GRIN2A: variants seen among roughly 807,000 people sequenced by gnomAD.
GRIN2A encodes glutamate receptor ionotropic, NMDA 2A.
In GRIN2A, 22 loss-of-function variants were observed where a neutral mutation model predicts 113.4. The observed-to-expected ratio is 0.19, with a 90% CI of 0.14 to 0.28. The LOEUF is 0.28. GRIN2A is among the 10% of genes least tolerant of loss of function. The pLI, the probability that GRIN2A is intolerant of heterozygous loss-of-function variation, is 1.00. For missense variants in GRIN2A, 1,502 were observed against 1,887.0 expected (o/e 0.80, Z 3.78); for synonymous variants, 827 against 738.4 (o/e 1.12, Z -1.94).
intron 2 of GRIN2A, among the ~76,000 whole-genome samples, chr16:10,027,010 C>G (rs1945824844): frequency 6.6e-6 from 1 of 152,166 alleles, no homozygotes; most frequent in Non-Finnish European, 1.5e-5. Context: ...TTCCTTTTGC[C>G]TTTCCCTAAT....
At chr16:9,932,052 A>C (rs2044605379) in intron 3 of GRIN2A, among the ~76,000 whole-genome samples, 1 of 152,218 alleles carries the variant, frequency 6.6e-6, no homozygotes, top group Admixed American at 6.5e-5. Context: ...GCATTGAGTC[A>C]CCCAGATCCT....
At position 9,762,529 on chromosome 16, in the gene GRIN2A, G is replaced by A. The variant is rs1452466667; in HGVS notation, c.*620C>T. The A allele has an allele frequency of 1.8e-5, 4 of 226,718 alleles. No homozygotes were observed. The highest frequency in any genetic ancestry group is 1.1e-4 in the Admixed American group (2 of 18,122). 14.0% of individuals were successfully genotyped at this position (226,718 alleles called of 1,614,324 possible). On this transcript the variant is annotated 3_prime_UTR_variant, in exon 13 of 13. Coordinates refer to ENST00000330684, the MANE Select transcript of GRIN2A (RefSeq NM_001134407.3). ...ATAATGAAGGTAGCACAGTCATCACGAACACACTGATTTGCTATTCTTTAG... is the reference window on the plus strand; with the variant it reads ...ATAATGAAGGTAGCACAGTCATCACAAACACACTGATTTGCTATTCTTTAG...
intron 3 of GRIN2A, among the ~76,000 whole-genome samples, chr16:9,904,516 T>G (rs561650187): frequency 6.6e-6 from 1 of 152,210 alleles, no homozygotes; most frequent in East Asian, 1.9e-4. Flanking sequence ...GGATTACAGG[T>G]GTGCACCACC....
chr16:10,020,950 C>T (rs1596427806), intron 2 of GRIN2A, among the ~76,000 whole-genome samples: 1 of 152,194 alleles, frequency 6.6e-6, no homozygotes, highest in African/African-American at 2.4e-5. Context: ...CCAGCCTGTG[C>T]ATGATGTCAC....
At chr16:9,916,075 G>C (rs2044243449) in intron 3 of GRIN2A, among the ~76,000 whole-genome samples, 1 of 152,008 alleles carries the variant, frequency 6.6e-6, no homozygotes, top group South Asian at 2.1e-4. Flanking sequence ...ATAAGAGTTA[G>C]GTCAATCTCT....
intron 2 of GRIN2A, among the ~76,000 whole-genome samples, chr16:10,175,329 G>A (rs1037958181): frequency 9.2e-5 from 14 of 152,196 alleles, no homozygotes; most frequent in East Asian, 1.9e-4. Context: ...AACAGATAGC[G>A]GCTGAGATTT....
chr16:10,159,311 C>A (rs970470305), intron 2 of GRIN2A, among the ~76,000 whole-genome samples: 2 of 152,098 alleles, frequency 1.3e-5, no homozygotes, highest in East Asian at 3.8e-4. Context: ...AGAGGACAGG[C>A]CTGGGCAGGT....
chr16:10,072,946 C>CCCCTTTTT lies in GRIN2A; in HGVS notation c.414+107051_414+107052insAAAAAGGG, dbSNP rs565877354. ...TGAGGAAACTCAGTGACAAGACCCC[C>CCCCTTTTT]TTTTTTTTTTTTTTTTTTTTTGAGA... On this transcript the variant is annotated intron_variant, in intron 2 of 12. Coordinates refer to ENST00000330684, the MANE Select transcript of GRIN2A (RefSeq NM_001134407.3). 2.3e-3 allele frequency among the ~76,000 whole-genome samples: 242 copies of CCCCTTTTT among 104,242 alleles called. 2 individuals are homozygous for CCCCTTTTT. The highest frequency in any genetic ancestry group is 3.0e-3 in the Non-Finnish European group (159 of 53,758). The allele number at this position is 104,242 out of a possible 152,430, so 68.4% of individuals were successfully genotyped here. A position where few individuals can be genotyped will look rare whatever the true frequency, so the allele number is the denominator to read the frequency against.
chr16:10,009,492 A>G (rs1225490428), intron 2 of GRIN2A, among the ~76,000 whole-genome samples: 4 of 152,114 alleles, frequency 2.6e-5, no homozygotes, highest in African/African-American at 7.2e-5. Flanking sequence ...GTGCCCTTTT[A>G]TTTGTGATTC....
At chr16:9,942,226 T>G (rs1295427311) in intron 2 of GRIN2A, among the ~76,000 whole-genome samples, 1 of 152,150 alleles carries the variant, frequency 6.6e-6, no homozygotes, top group Non-Finnish European at 1.5e-5. Flanking sequence ...ACTGCCCTGC[T>G]CTATAGTCAT....
chr16:10,111,678 C>G (rs2048617172), intron 2 of GRIN2A: 4 of 1,570,006 alleles, frequency 2.5e-6, no homozygotes, highest in African/African-American at 2.7e-5. Flanking sequence ...CCCCAGAGTT[C>G]CAGGCCAACG....
chr16:9,816,313 C>G (rs1349413290), intron 10 of GRIN2A, among the ~76,000 whole-genome samples: 1 of 152,152 alleles, frequency 6.6e-6, no homozygotes, highest in Non-Finnish European at 1.5e-5. Flanking sequence ...AAAGACAATC[C>G]TCTCTTCCAA....
At chr16:10,108,342 G>C (rs1014450066) in intron 2 of GRIN2A, among the ~76,000 whole-genome samples, 6 of 152,146 alleles carry the variant, frequency 3.9e-5, no homozygotes, top group African/African-American at 1.4e-4. Flanking sequence ...AACAGCATAA[G>C]AAAGATCCAC....
intron 3 of GRIN2A, 133 bp from the exon 4 acceptor site, chr16:9,891,233 C>A: frequency 1.4e-6 from 1 of 693,198 alleles, no homozygotes. Flanking sequence ...CAAGAAGCCT[C>A]TCTGCAGAAG....
chr16:10,069,854 G>A (rs371692179), intron 2 of GRIN2A, among the ~76,000 whole-genome samples: 8 of 152,344 alleles, frequency 5.3e-5, no homozygotes, highest in Non-Finnish European at 7.3e-5. Context: ...TAGATCCCAC[G>A]TCTTGGGCTT....
intron 2 of GRIN2A, among the ~76,000 whole-genome samples, chr16:10,081,854 C>T (rs2047990655): frequency 6.6e-6 from 1 of 152,178 alleles, no homozygotes; most frequent in African/African-American, 2.4e-5. Context: ...TATGTCCCTA[C>T]TCTCCATTTT....
At chr16:9,803,274 G>A (rs2041901483) in intron 10 of GRIN2A, among the ~76,000 whole-genome samples, 1 of 152,114 alleles carries the variant, frequency 6.6e-6, no homozygotes, top group Admixed American at 6.5e-5. Flanking sequence ...GGGCATGGTG[G>A]CACATGCCTA....
In GRIN2A at chr16:9,768,731, T is replaced by TG. The variant is rs547042279; in HGVS notation, c.2595+119dup. ...AATGCACAAAATCTGGATGCTCTTGTGACATGCCCAAGAAAGGCTGGTAAG... is the reference window on the plus strand; with the variant it reads ...AATGCACAAAATCTGGATGCTCTTGTGGACATGCCCAAGAAAGGCTGGTAAG... On this transcript the variant is annotated intron_variant, in intron 12 of 12. Coordinates refer to ENST00000330684, the MANE Select transcript of GRIN2A (RefSeq NM_001134407.3). 332 of 793,882 alleles carry TG rather than the reference T, an allele frequency of 4.2e-4. 3 individuals are homozygous for TG. The highest frequency in any genetic ancestry group is 3.6e-3 in the South Asian group (266 of 74,260). The allele number at this position is 793,882 out of a possible 1,614,324, so 49.2% of individuals were successfully genotyped here.
chr16:10,051,064 G>C (rs532754506), intron 2 of GRIN2A, among the ~76,000 whole-genome samples: 2 of 152,168 alleles, frequency 1.3e-5, no homozygotes, highest in Non-Finnish European at 2.9e-5. Context: ...TTAGGTGGTA[G>C]GATGATGTAG....
Sources: allele counts gnomAD v4.1 joint callset (sites outside exome capture counted in the v4.1 genomes callset), GRCh38; gene constraint gnomAD v4.1.1; transcripts MANE v1.5; gene names NCBI Gene and HGNC (gene_info 2026-07-23, HGNC 2026-07-21).